KANSL1: variants seen among roughly 807,000 people sequenced by gnomAD.
KANSL1 encodes KAT8 regulatory NSL complex subunit 1.
In KANSL1, 22 loss-of-function variants were observed where a neutral mutation model predicts 103.6. The ratio of observed to expected loss-of-function variants is 0.21; its 90% CI spans 0.15 to 0.30. KANSL1 has a LOEUF of 0.30. Ranked by LOEUF, KANSL1 falls within the 10% of genes least tolerant of loss-of-function variation. KANSL1 has a pLI of 1.00. For synonymous variants in KANSL1, 600 were observed against 527.6 expected, an observed-to-expected ratio of 1.14 and a Z score of -1.88; for missense variants, 1,337 against 1,399.8, an observed-to-expected ratio of 0.96 and a Z score of 0.72.
At chr17:46,033,865 G>GATGT (rs1426480044) in intron 11 of KANSL1, among the ~76,000 whole-genome samples, 1 of 152,190 alleles carries the variant, frequency 6.6e-6, no homozygotes, top group African/African-American at 2.4e-5. Context: ...ATCCTGCTTT[G>GATGT]ATGTTGACAA....
chr17:46,075,247 G>A (rs555387515), intron 4 of KANSL1, among the ~76,000 whole-genome samples: 21 of 152,244 alleles, frequency 1.4e-4, no homozygotes, highest in Non-Finnish European at 2.2e-4. Flanking sequence ...TGTTAATTTC[G>A]TGGTTCTGAT....
rs2047463169 is a variant in KANSL1 at position 46,193,428 on chromosome 17, A to T, written c.-695T>A. ...CCCTTTAATCTGAAGCGGAGGGAGA[A>T]TGGAGCGAGCGAGCAAGCGGGCGAG... On this transcript the variant is annotated 5_prime_UTR_variant, in exon 1 of 15. Transcript: ENST00000432791. 6.6e-6 allele frequency: 1 copy of T among 152,498 alleles called. No individual in the cohort carries two copies. Among genetic ancestry groups the T allele is most frequent in the Admixed American group, 6.6e-5 (1 of 15,240 alleles). 9.4% of individuals were successfully genotyped at this position (152,498 alleles called of 1,614,324 possible). A position where few individuals can be genotyped will look rare whatever the true frequency, so the allele number is the denominator to read the frequency against.
At chr17:46,215,535 T>C (rs1320817876) in intron 1 of KANSL1, among the ~76,000 whole-genome samples, 1 of 152,178 alleles carries the variant, frequency 6.6e-6, no homozygotes, top group Non-Finnish European at 1.5e-5. Flanking sequence ...AAAAGGGCGA[T>C]GAAGGTCTGG....
chr17:46,107,731 AT>A (rs2042630343), intron 2 of KANSL1, among the ~76,000 whole-genome samples: 1 of 152,178 alleles, frequency 6.6e-6, no homozygotes, highest in South Asian at 2.1e-4. Context: ...TTCTATTTGA[AT>A]GTCTAAAAAG....
At chr17:46,133,251 A>AGT (rs2043957045) in intron 2 of KANSL1, among the ~76,000 whole-genome samples, 1 of 152,232 alleles carries the variant, frequency 6.6e-6, no homozygotes, top group South Asian at 2.1e-4. Context: ...AGGACCACTG[A>AGT]GTGTTCTGAG....
intron 1 of KANSL1, among the ~76,000 whole-genome samples, chr17:46,220,440 T>A (rs1244227230): frequency 2.0e-5 from 3 of 151,968 alleles, no homozygotes; most frequent in Non-Finnish European, 4.4e-5. Flanking sequence ...ATGGTCTCGA[T>A]CTCCTGACCT....
At chr17:46,121,307 A>C (rs1475780777) in intron 2 of KANSL1, 2 of 152,328 alleles carry the variant, frequency 1.3e-5, no homozygotes, top group African/African-American at 2.4e-5. Context: ...GGTTCCACAC[A>C]ACCTGTCTCC....
chr17:46,136,600 G>A (rs2044155788), intron 2 of KANSL1, among the ~76,000 whole-genome samples: 2 of 152,210 alleles, frequency 1.3e-5, no homozygotes, highest in Non-Finnish European at 2.9e-5. Flanking sequence ...CCAACCTCAT[G>A]TCTTCCTGGC....
At chr17:46,185,692 TACACACACAC>T (rs58833932) in intron 1 of KANSL1, among the ~76,000 whole-genome samples, 8,163 of 144,394 alleles carry the variant, frequency 0.057, 877 homozygotes, top group East Asian at 0.41. Context: ...CACACATATA[TACACACACAC>T]ACACACACAC....
chr17:46,214,834 T>C (rs1173069326), intron 1 of KANSL1, among the ~76,000 whole-genome samples: 5 of 152,220 alleles, frequency 3.3e-5, no homozygotes, highest in East Asian at 1.9e-4. Flanking sequence ...GTTTCAGAGA[T>C]TGTCCCCTTA....
At chr17:46,182,567 A>G (rs1247025364) in intron 1 of KANSL1, among the ~76,000 whole-genome samples, 5 of 152,276 alleles carry the variant, frequency 3.3e-5, no homozygotes, top group African/African-American at 4.8e-5. Flanking sequence ...AAAAAGCTTT[A>G]TATTACTAAA....
At chr17:46,102,094 G>A (rs1220897901) in intron 2 of KANSL1, among the ~76,000 whole-genome samples, 2 of 152,204 alleles carry the variant, frequency 1.3e-5, no homozygotes, top group Non-Finnish European at 2.9e-5. Context: ...GAACCAAACT[G>A]TCCAGAGTTA....
intron 2 of KANSL1, among the ~76,000 whole-genome samples, chr17:46,139,258 A>C (rs2044300038): frequency 6.6e-6 from 1 of 151,622 alleles, no homozygotes; most frequent in Non-Finnish European, 1.5e-5. Context: ...AGGGCATTTG[A>C]CCACATTTTG....
At chr17:46,108,991 C>T (rs187818565) in intron 2 of KANSL1, among the ~76,000 whole-genome samples, 16 of 152,296 alleles carry the variant, frequency 1.1e-4, no homozygotes, top group Admixed American at 6.5e-4. Context: ...CACTGTCACC[C>T]GGGCTGAAGG....
At position 46,035,962 on chromosome 17, in the gene KANSL1, T is replaced by G. The variant is rs186980560; in HGVS notation, c.2542-1677A>C. 38 of 151,062 alleles carry G rather than the reference T, an allele frequency of 2.5e-4. 2 individuals carry two copies. The East Asian group carries it at 7.0e-3, about 28-fold the overall frequency. 9.4% of individuals were successfully genotyped at this position (151,062 alleles called of 1,614,324 possible). ...TTTAGAGCCAGAGATAGAGAGCAGG[T>G]GATGAGAATAAAACTGGTTCCCAAA... On this transcript the variant is annotated intron_variant, in intron 10 of 14. Coordinates refer to ENST00000432791, the MANE Select transcript of KANSL1 (RefSeq NM_015443.4).
intron 2 of KANSL1, among the ~76,000 whole-genome samples, chr17:46,122,729 T>C (rs1348822679): frequency 6.6e-6 from 1 of 152,254 alleles, no homozygotes; most frequent in African/African-American, 2.4e-5. Flanking sequence ...TGGGTAATTC[T>C]CACAATATTT....
chr17:46,066,959 T>C (rs922669619), intron 5 of KANSL1, among the ~76,000 whole-genome samples: 2 of 152,222 alleles, frequency 1.3e-5, no homozygotes, highest in Admixed American at 1.3e-4. Context: ...AACTACATCA[T>C]GTCTGAAAGA....
chr17:46,180,557 G>A (rs1881196), intron 1 of KANSL1, among the ~76,000 whole-genome samples: 18,741 of 150,308 alleles, frequency 0.12, 26 homozygotes, highest in Middle Eastern at 0.19. Flanking sequence ...ATGATGGCAG[G>A]TGCCTGTAGT....
At chr17:46,151,881 T>C (rs1473466196) in intron 2 of KANSL1, among the ~76,000 whole-genome samples, 1 of 152,230 alleles carries the variant, frequency 6.6e-6, no homozygotes, top group Admixed American at 6.5e-5. Context: ...TGGTCCCTAA[T>C]CTGAAAAACA....
Sources: allele counts gnomAD v4.1 joint callset (sites outside exome capture counted in the v4.1 genomes callset), GRCh38; gene constraint gnomAD v4.1.1; transcripts MANE v1.5; gene names NCBI Gene and HGNC (gene_info 2026-07-23, HGNC 2026-07-21).